The following TENM1 variants were observed in gnomAD, a reference collection of about 807,000 sequenced individuals.
The protein encoded by TENM1 is teneurin transmembrane protein 1, also known as teneurin-1.
In TENM1, 35 loss-of-function variants were observed where a neutral mutation model predicts 174.8. The ratio of observed to expected loss-of-function variants is 0.20; its 90% CI spans 0.15 to 0.27. The LOEUF (loss-of-function observed/expected upper bound fraction) is 0.27, where lower values mean the gene tolerates loss of function less well. TENM1 is among the 10% of genes least tolerant of loss of function. TENM1 has a pLI of 1.00. For synonymous variants in TENM1, 781 were observed against 798.7 expected (o/e 0.98, Z 0.37); for missense variants, 1,633 against 2,130.1 (o/e 0.77, Z 4.59).
At chrX:124,453,752 C>A (rs747964986) in intron 22 of TENM1, among the ~76,000 whole-genome samples, 1 of 110,558 alleles carries the variant, frequency 9.0e-6, no homozygotes, top group Non-Finnish European at 1.9e-5. Context: ...ACATTTCCAC[C>A]CCCTTGATAC....
intron 22 of TENM1, 79 bp from the exon 26 acceptor site, chrX:124,453,570 T>C (rs2061068402): frequency 1.0e-6 from 1 of 966,208 alleles, no homozygotes; most frequent in African/African-American, 1.9e-5. Flanking sequence ...AAAAAAGCCA[T>C]AGCAATGGAA....
At chrX:124,420,886 C>A in intron 24 of TENM1, 65 bp from the exon 28 acceptor site, 1 of 1,010,127 alleles carries the variant, frequency 9.9e-7, no homozygotes, top group Non-Finnish European at 1.4e-6. Flanking sequence ...ATACCACAGA[C>A]ATAAAGCTCT....
intron 11 of TENM1, among the ~76,000 whole-genome samples, chrX:124,606,534 A>C (rs1032519838): frequency 2.1e-4 from 23 of 111,713 alleles, no homozygotes; most frequent in African/African-American, 7.5e-4. Context: ...GAAAAGTAGG[A>C]AAGAAGGGAG....
the TENM1 span, among the ~76,000 whole-genome samples, chrX:124,972,059 C>A: frequency 9.2e-6 from 1 of 108,877 alleles, no homozygotes; most frequent in African/African-American, 3.4e-5. Context: ...ATGGTGAAAC[C>A]CCGTCTCTAC....
At chrX:124,514,607 C>T (rs2047656412) in intron 18 of TENM1, among the ~76,000 whole-genome samples, 1 of 110,820 alleles carries the variant, frequency 9.0e-6, no homozygotes, top group South Asian at 3.8e-4. Flanking sequence ...GACATATACA[C>T]CATCCCAAGA....
At chrX:125,195,742 A>G in the TENM1 span, among the ~76,000 whole-genome samples, 2 of 111,243 alleles carry the variant, frequency 1.8e-5, no homozygotes, top group Non-Finnish European at 3.8e-5. Context: ...GTGTGACATT[A>G]TAGCCCCTAC....
chrX:124,636,451 T>C (rs1471464482), intron 11 of TENM1, among the ~76,000 whole-genome samples: 1 of 112,217 alleles, frequency 8.9e-6, no homozygotes, highest in African/African-American at 3.2e-5. Flanking sequence ...TTTGCTTCTG[T>C]GAACAAGAGA....
chrX:125,007,536 CCA>C, the TENM1 span, among the ~76,000 whole-genome samples: 1 of 110,978 alleles, frequency 9.0e-6, no homozygotes, highest in East Asian at 2.8e-4. Context: ...ACAGAGAACA[CCA>C]CTAAGATACT....
the TENM1 span, among the ~76,000 whole-genome samples, chrX:124,998,407 T>A: frequency 1.9e-5 from 2 of 108,103 alleles, no homozygotes; most frequent in African/African-American, 6.8e-5. Flanking sequence ...CACCTGAATA[T>A]AAGAAGACTA....
intron 1 of TENM1, among the ~76,000 whole-genome samples, chrX:124,897,113 T>C (rs2057575590): frequency 8.9e-6 from 1 of 112,012 alleles, no homozygotes; most frequent in African/African-American, 3.2e-5. Context: ...GCATGGTTTC[T>C]GGTATACAAC....
the TENM1 span, among the ~76,000 whole-genome samples, chrX:125,181,243 T>G: frequency 8.9e-6 from 1 of 111,933 alleles, no homozygotes; most frequent in Non-Finnish European, 1.9e-5. Context: ...GAGATTATTC[T>G]TAATCTACTT....
chrX:124,587,172 C>G (rs1222778608), intron 11 of TENM1, among the ~76,000 whole-genome samples: 127 of 109,406 alleles, frequency 1.2e-3, no homozygotes, highest in African/African-American at 3.7e-3. Context: ...TTTCTTCACA[C>G]AATTGGAAAA....
At chrX:125,002,728 A>C in the TENM1 span, among the ~76,000 whole-genome samples, 3 of 111,921 alleles carry the variant, frequency 2.7e-5, no homozygotes, top group Non-Finnish European at 5.6e-5. Flanking sequence ...ATATAGATTT[A>C]GGAAAAAATC....
intron 1 of TENM1, among the ~76,000 whole-genome samples, chrX:124,907,132 T>C (rs1339648097): frequency 8.9e-6 from 1 of 112,184 alleles, no homozygotes; most frequent in Admixed American, 9.5e-5. Flanking sequence ...GAATGTACTC[T>C]GCTTGCCTAA....
intron 1 of TENM1, among the ~76,000 whole-genome samples, chrX:124,953,840 A>G (rs1292583636): frequency 8.9e-6 from 1 of 112,063 alleles, no homozygotes; most frequent in Non-Finnish European, 1.9e-5. Context: ...ATACTATGGT[A>G]CAGTTTTTAA....
intron 3 of TENM1, among the ~76,000 whole-genome samples, chrX:124,827,256 G>A (rs750965329): frequency 4.8e-4 from 54 of 111,412 alleles, no homozygotes; most frequent in Admixed American, 8.6e-4. Flanking sequence ...TCACCATGTT[G>A]GCCAGGCTGG....
chrX:124,570,090 GC>G (rs1270932751), intron 11 of TENM1, among the ~76,000 whole-genome samples: 16 of 111,137 alleles, frequency 1.4e-4, no homozygotes, highest in African/African-American at 4.9e-4. Flanking sequence ...ATTACTAACA[GC>G]TTTTTGCCAA....
the TENM1 span, among the ~76,000 whole-genome samples, chrX:125,157,511 T>C: frequency 1.8e-5 from 2 of 112,295 alleles, no homozygotes; most frequent in African/African-American, 3.2e-5. Flanking sequence ...TTATGGATCC[T>C]GGAGCACTAT....
intron 11 of TENM1, among the ~76,000 whole-genome samples, chrX:124,612,440 C>T (rs1055858095): frequency 6.3e-5 from 7 of 111,231 alleles, no homozygotes; most frequent in African/African-American, 2.3e-4. Flanking sequence ...TTGAAATCTA[C>T]TAGGTTGGAA....
Sources: gnomAD v4.1 joint callset for allele counts (sites outside exome capture counted in the v4.1 genomes callset) on GRCh38, gnomAD v4.1.1 for gene constraint, MANE v1.5 for transcripts, NCBI Gene and HGNC (gene_info 2026-07-23, HGNC 2026-07-21) for gene names.